Variants in PIP5K1B observed in about 807,000 individuals in gnomAD.
PIP5K1B encodes the protein phosphatidylinositol-4-phosphate 5-kinase type 1 beta.
Under a neutral mutation model 67.0 loss-of-function variants are expected in PIP5K1B, and 42 were observed. The observed-to-expected ratio is 0.63, with a 90% confidence interval of 0.49 to 0.81. The LOEUF is 0.81. Ranked by LOEUF, PIP5K1B falls within the 30% of genes least tolerant of loss-of-function variation. The probability of loss-of-function intolerance (pLI) is 0.00; values close to 1 mark genes in which losing one functional copy is unlikely to be tolerated. For synonymous variants in PIP5K1B, 214 were observed against 231.4 expected, an observed-to-expected ratio of 0.92 and a Z score of 0.68; for missense variants, 459 against 646.3, an observed-to-expected ratio of 0.71 and a Z score of 3.14.
intron 5 of PIP5K1B, 44 bp downstream of exon 5, chr9:68,864,011 T>G: frequency 6.3e-7 from 1 of 1,596,862 alleles, no homozygotes; most frequent in Non-Finnish European, 8.6e-7. Context: ...CTAAGGAACC[T>G]TCTTTGTGAC....
chr9:68,797,868 C>G (rs1412966336), intron 2 of PIP5K1B, among the ~76,000 whole-genome samples: 1 of 151,908 alleles, frequency 6.6e-6, no homozygotes, highest in Non-Finnish European at 1.5e-5. Flanking sequence ...AAGCCTTGGG[C>G]TATACATTCT....
intron 12 of PIP5K1B, among the ~76,000 whole-genome samples, chr9:68,931,796 A>C (rs1394868492): frequency 6.6e-6 from 1 of 152,230 alleles, no homozygotes; most frequent in Non-Finnish European, 1.5e-5. Context: ...CAGGATACCT[A>C]CTGCCAGCCA....
At chr9:68,854,647 C>G (rs564617443) in intron 4 of PIP5K1B, among the ~76,000 whole-genome samples, 1 of 152,308 alleles carries the variant, frequency 6.6e-6, no homozygotes, top group African/African-American at 2.4e-5. Context: ...ATGAGCAACT[C>G]CTAAACATGC....
chr9:68,917,507 C>G, intron 8 of PIP5K1B, 41 bp from the exon 9 acceptor site: 1 of 1,421,988 alleles, frequency 7.0e-7, no homozygotes, highest in Non-Finnish European at 9.9e-7. Flanking sequence ...GACGAACAGG[C>G]CTTTGGGTTG....
chr9:68,873,675 C>A (rs1233924622), intron 5 of PIP5K1B, among the ~76,000 whole-genome samples: 2 of 151,706 alleles, frequency 1.3e-5, no homozygotes. Flanking sequence ...AGGGCTGTTT[C>A]CTATATAGTC....
At chr9:68,956,218 C>T (rs185011602) in intron 14 of PIP5K1B, among the ~76,000 whole-genome samples, 1 of 152,304 alleles carries the variant, frequency 6.6e-6, no homozygotes, top group Non-Finnish European at 1.5e-5. Context: ...TGCCTGTAAT[C>T]CCAGCATTTT....
At chr9:68,951,815 C>T (rs1049463384) in intron 14 of PIP5K1B, among the ~76,000 whole-genome samples, 4 of 152,194 alleles carry the variant, frequency 2.6e-5, no homozygotes, top group African/African-American at 9.6e-5. Flanking sequence ...CCGTAGTCCA[C>T]CTCCCCCTAC....
intron 8 of PIP5K1B, among the ~76,000 whole-genome samples, chr9:68,906,205 G>C (rs1825603177): frequency 1.3e-5 from 2 of 152,082 alleles, no homozygotes; most frequent in Non-Finnish European, 1.5e-5. Flanking sequence ...TTTTTGTAGA[G>C]AAAGGATTTC....
intron 6 of PIP5K1B, among the ~76,000 whole-genome samples, chr9:68,877,706 C>T (rs1468783031): frequency 6.6e-6 from 1 of 152,128 alleles, no homozygotes; most frequent in Non-Finnish European, 1.5e-5. Context: ...CTACTCTGTG[C>T]TGATGAAGAC....
At chr9:68,956,230 G>A (rs1828383897) in intron 14 of PIP5K1B, among the ~76,000 whole-genome samples, 1 of 152,186 alleles carries the variant, frequency 6.6e-6, no homozygotes, top group South Asian at 2.1e-4. Context: ...CAGCATTTTG[G>A]AAGGCTGAGG....
At chr9:68,799,109 TA>T (rs1263273831) in intron 2 of PIP5K1B, among the ~76,000 whole-genome samples, 1 of 152,218 alleles carries the variant, frequency 6.6e-6, no homozygotes, top group Non-Finnish European at 1.5e-5. Context: ...TTGAGGATTC[TA>T]AAGGGAGCTG....
intron 14 of PIP5K1B, among the ~76,000 whole-genome samples, chr9:68,963,796 C>A (rs1828876987): frequency 6.6e-6 from 1 of 152,136 alleles, no homozygotes; most frequent in African/African-American, 2.4e-5. Context: ...ACACTTTAGA[C>A]AATAGATCCT....
intron 15 of PIP5K1B, among the ~76,000 whole-genome samples, chr9:68,992,213 T>C (rs4745475): frequency 1 from 151,603 of 152,188 alleles, 75,510 homozygotes; most frequent in Middle Eastern, 1. Flanking sequence ...CTGCCCACCT[T>C]GGCCTCCCAA....
intron 15 of PIP5K1B, among the ~76,000 whole-genome samples, chr9:69,007,585 AGGT>A (rs1831138095): frequency 1.3e-5 from 2 of 152,046 alleles, no homozygotes; most frequent in African/African-American, 4.8e-5. Flanking sequence ...AGGCCGGGTG[AGGT>A]GGCTCACGCC....
At chr9:68,943,825 C>T (rs1198163314) in intron 14 of PIP5K1B, among the ~76,000 whole-genome samples, 1 of 152,292 alleles carries the variant, frequency 6.6e-6, no homozygotes, top group East Asian at 1.9e-4. Flanking sequence ...GCAAATACTT[C>T]AACTAGCAGT....
intron 2 of PIP5K1B, chr9:68,781,082 G>A (rs1261131131): frequency 1.3e-6 from 2 of 1,553,404 alleles, no homozygotes; most frequent in East Asian, 4.5e-5. Flanking sequence ...TAATCTAGTT[G>A]GGGCAAACAC....
intron 14 of PIP5K1B, chr9:68,966,450 A>G (rs1207750825): frequency 6.6e-6 from 1 of 152,234 alleles, no homozygotes; most frequent in Non-Finnish European, 1.5e-5. Flanking sequence ...TTAATATGGT[A>G]CTTGACCTCT....
At chr9:68,769,347 C>G (rs991778908) in intron 2 of PIP5K1B, among the ~76,000 whole-genome samples, 12 of 152,128 alleles carry the variant, frequency 7.9e-5, no homozygotes, top group Non-Finnish European at 1.5e-4. Flanking sequence ...CAGGTTTTCA[C>G]TGTCACTTAT....
At chr9:68,967,885 T>G (rs1438935731) in intron 14 of PIP5K1B, among the ~76,000 whole-genome samples, 1 of 152,020 alleles carries the variant, frequency 6.6e-6, no homozygotes, top group African/African-American at 2.4e-5. Flanking sequence ...CTCACCCCCA[T>G]GGGGGTGAGG....
Sources: gnomAD v4.1 joint callset for allele counts (sites outside exome capture counted in the v4.1 genomes callset) on GRCh38, gnomAD v4.1.1 for gene constraint, MANE v1.5 for transcripts, NCBI Gene and HGNC (gene_info 2026-07-23, HGNC 2026-07-21) for gene names.